Variants in MFSD2B observed in about 807,000 individuals in gnomAD.
The protein encoded by MFSD2B is sphingosine-1-phosphate transporter MFSD2B.
In MFSD2B, 56 loss-of-function variants were observed where a neutral mutation model predicts 58.4. The ratio of observed to expected loss-of-function variants is 0.96; its 90% CI spans 0.77 to 1.20. The LOEUF is 1.20. MFSD2B is among the 50% of genes most tolerant of loss of function. The pLI, the probability that MFSD2B is intolerant of heterozygous loss-of-function variation, is 0.00. For synonymous variants in MFSD2B, 287 were observed against 294.4 expected (o/e 0.97, Z 0.26); for missense variants, 645 against 667.6 (o/e 0.97, Z 0.37).
In MFSD2B at chr2:24,022,142, G is replaced by A. The variant is rs980196015; in HGVS notation, c.894+172G>A. On this transcript the variant is annotated intron_variant, in intron 8 of 13. Coordinates refer to ENST00000338315, the MANE Select transcript of MFSD2B (RefSeq NM_001346880.2). The surrounding 1 kb of genome is among the most constrained non-coding windows in gnomAD (Gnocchi z 4.5). ...CCGGTAGGGCTTGTGGGAATGGAGG[G>A]CCAGGGCCTGGGCACTAGGAGGCTG... is the stretch of plus-strand genomic sequence containing the variant. Among the ~76,000 whole-genome samples, 3 of 152,186 alleles carry A rather than the reference G, an allele frequency of 2.0e-5. No individual in the cohort carries two copies. The highest frequency in any genetic ancestry group is 2.9e-5 in the Non-Finnish European group (2 of 68,028).
rs1470925487 is a variant in MFSD2B, at chr2:24,012,847, A to G, written c.97-438A>G. The G allele has an allele frequency of 6.5e-6, 1 of 154,978 alleles. No individual in the cohort carries two copies. The highest frequency in any genetic ancestry group is 2.4e-5 in the African/African-American group (1 of 41,530). The allele number at this position is 154,978 out of a possible 1,614,324, so 9.6% of individuals were successfully genotyped here. A position where few individuals can be genotyped will look rare whatever the true frequency, so the allele number is the denominator to read the frequency against. ...AAATGAGCTATCGCCTCATTTACTCATCGAAGAAACAACTTTGTGAAGTTG... is the reference window on the plus strand; with the variant it reads ...AAATGAGCTATCGCCTCATTTACTCGTCGAAGAAACAACTTTGTGAAGTTG... On this transcript the variant is annotated intron_variant, in intron 1 of 13. Transcript: ENST00000338315. The surrounding 1 kb of genome is among the most constrained non-coding windows in gnomAD (Gnocchi z 4.5).
At chr2:24,018,698 T>C (rs1212487121) in intron 6 of MFSD2B, 1 of 172,278 alleles carries the variant, frequency 5.8e-6, no homozygotes, top group African/African-American at 2.4e-5. Flanking sequence ...TTACTTGAAT[T>C]AAAAAAAATC....
rs941147909 is a variant in MFSD2B at position 24,021,426 on chromosome 2, G to A, written c.682-222G>A. Among the ~76,000 whole-genome samples, 2 of 152,208 alleles carry A rather than the reference G, an allele frequency of 1.3e-5. No homozygotes were observed. The highest frequency in any genetic ancestry group is 4.8e-5 in the African/African-American group (2 of 41,454). ...CTGGGGCATGTGTCCTCTTTGCCAT[G>A]CAGGGAACACAGGGTCAGCAGAGGG... On this transcript the variant is annotated intron_variant, in intron 6 of 13. Coordinates refer to ENST00000338315, the MANE Select transcript of MFSD2B (RefSeq NM_001346880.2). The surrounding 1 kb of genome is among the most constrained non-coding windows in gnomAD (Gnocchi z 5.7).
At chr2:24,016,781 C>T in intron 3 of MFSD2B, 64 bp from the exon 4 acceptor site, 1 of 1,591,028 alleles carries the variant, frequency 6.3e-7, no homozygotes, top group East Asian at 2.2e-5. Flanking sequence ...TTCCTCCAGG[C>T]TGGGCCCTTT....
chr2:24,013,215 G>C (rs1488015515), intron 1 of MFSD2B, 70 bp from the exon 2 acceptor site: 1 of 1,455,600 alleles, frequency 6.9e-7, no homozygotes, highest in Non-Finnish European at 9.2e-7. Flanking sequence ...GATGTTTACT[G>C]AAGTCATGGG....
At chr2:24,015,735 C>T (rs544616683) in intron 2 of MFSD2B, among the ~76,000 whole-genome samples, 2 of 152,294 alleles carry the variant, frequency 1.3e-5, no homozygotes, top group East Asian at 3.9e-4. Flanking sequence ...ACACAGTGTC[C>T]ACCTCTGTCA....
At position 24,022,361 on chromosome 2, in the gene MFSD2B, C is replaced by T; in HGVS notation, c.895-72C>T. The stretch of plus-strand genomic sequence containing the variant: ...CCCAATGGAGATGCCAGACTCCAGA[C>T]CCTGTCCTTGCCCTTGACTTCTGAG... On this transcript the variant is annotated intron_variant, in intron 8 of 13. Transcript: ENST00000338315. This position sits in a 1 kb window ranked among gnomAD's most constrained non-coding sequence, Gnocchi z 4.5. 2 of 1,246,374 alleles carry T rather than the reference C, an allele frequency of 1.6e-6. No homozygotes were observed. The highest frequency in any genetic ancestry group is 1.3e-5 in the South Asian group (1 of 78,148). The allele number at this position is 1,246,374 out of a possible 1,614,324, so 77.2% of individuals were successfully genotyped here. A position where few individuals can be genotyped will look rare whatever the true frequency, so the allele number is the denominator to read the frequency against.
Position 24,022,344 on chromosome 2 carries a change from A to G in MFSD2B, c.895-89A>G, listed in dbSNP as rs1662821976. 3 of 1,025,914 alleles carry G rather than the reference A, an allele frequency of 2.9e-6. No homozygotes were observed. The highest frequency in any genetic ancestry group is 2.0e-4 in the Middle Eastern group (1 of 4,968). The allele number at this position is 1,025,914 out of a possible 1,614,324, so 63.6% of individuals were successfully genotyped here. Reference sequence around the variant, plus strand: ...TAGCAGCAAGCCAAGGTCCCAATGGAGATGCCAGACTCCAGACCCTGTCCT... The same window carrying G: ...TAGCAGCAAGCCAAGGTCCCAATGGGGATGCCAGACTCCAGACCCTGTCCT... On this transcript the variant is annotated intron_variant, in intron 8 of 13. Coordinates refer to ENST00000338315, the MANE Select transcript of MFSD2B (RefSeq NM_001346880.2). This position sits in a 1 kb window ranked among gnomAD's most constrained non-coding sequence, Gnocchi z 4.5.
intron 1 of MFSD2B, 122 bp downstream of exon 1, chr2:24,010,314 A>C: frequency 1.3e-6 from 1 of 744,464 alleles, no homozygotes; most frequent in Non-Finnish European, 1.9e-6. Context: ...CTGCCAGCTC[A>C]GGGGCTGCCC....
In MFSD2B at chr2:24,016,208, C is replaced by T. The variant is rs1224346311; in HGVS notation, c.275C>T (p.Ala92Val). 2.4e-5 allele frequency: 39 copies of T among 1,613,782 alleles called. No individual in the cohort carries two copies. The Admixed American group carries it at 3.2e-4, about 13-fold the overall frequency. ...CTGTTTGGGGGAAAAGTGTCTGGGG[C>T]GGCTGCTGACCCTGTGGCTGGGTTC... ...LVLFGGKVSG[A>V]AADPVAGFFI... The change falls in exon 3 of 14, where the codon GCG becomes GTG. Residue 92 changes from alanine to valine, a missense_variant. By Grantham distance (64) the Ala-to-Val change is moderately conservative. Transcript: ENST00000338315.
chr2:24,010,289 G>T, intron 1 of MFSD2B, 97 bp downstream of exon 1: 1 of 1,026,854 alleles, frequency 9.7e-7, no homozygotes, highest in South Asian at 2.7e-5. Flanking sequence ...CAGCCCGGAG[G>T]GGCTCGGCCC....
chr2:24,022,103 C>T lies in MFSD2B; in HGVS notation c.894+133C>T, dbSNP rs887316456. On this transcript the variant is annotated intron_variant, in intron 8 of 13. Transcript: ENST00000338315. This position sits in a 1 kb window ranked among gnomAD's most constrained non-coding sequence, Gnocchi z 4.5. The stretch of plus-strand genomic sequence containing the variant: ...GGCACATGGCTCAGAGGGGCTGGTG[C>T]CGGGAGGGAGATCCCGGTAGGGCTT... 2.8e-5 allele frequency: 31 copies of T among 1,094,028 alleles called. No individual in the cohort carries two copies. Among genetic ancestry groups the T allele is most frequent in the Non-Finnish European group, 3.2e-5 (24 of 752,062 alleles). The allele number at this position is 1,094,028 out of a possible 1,614,324, so 67.8% of individuals were successfully genotyped here.
Position 24,017,930 on chromosome 2 carries a change from G to A in MFSD2B, c.681+342G>A, listed in dbSNP as rs1709219717. On this transcript the variant is annotated intron_variant, in intron 6 of 13. Coordinates refer to ENST00000338315, the MANE Select transcript of MFSD2B (RefSeq NM_001346880.2). The surrounding 1 kb of genome is among the most constrained non-coding windows in gnomAD (Gnocchi z 4.8). Reference sequence around the variant, plus strand: ...GGCAGCAGAGGGGTCTGCTGTCCTCGCAGAGCCCTGGGTAAAGCCCTTCCT... The same window carrying A: ...GGCAGCAGAGGGGTCTGCTGTCCTCACAGAGCCCTGGGTAAAGCCCTTCCT... Among the ~76,000 whole-genome samples, 1 of 152,060 alleles carries A rather than the reference G, an allele frequency of 6.6e-6. No individual in the cohort carries two copies. Among genetic ancestry groups the A allele is most frequent in the South Asian group, 2.1e-4 (1 of 4,820 alleles).
rs1240920919 is a variant in MFSD2B, at chr2:24,020,498, G to A, written c.682-1150G>A. Among the ~76,000 whole-genome samples, 1 of 152,014 alleles carries A rather than the reference G, an allele frequency of 6.6e-6. No homozygotes were observed. Among genetic ancestry groups the A allele is most frequent in the Non-Finnish European group, 1.5e-5 (1 of 68,004 alleles). Reference sequence around the variant, plus strand: ...GTCCCGAACTGGCTGTGACTCTCGTGCATGTCTTTATAGGCATTTTAATGC... The same window carrying A: ...GTCCCGAACTGGCTGTGACTCTCGTACATGTCTTTATAGGCATTTTAATGC... On this transcript the variant is annotated intron_variant, in intron 6 of 13. Coordinates refer to ENST00000338315, the MANE Select transcript of MFSD2B (RefSeq NM_001346880.2). This position sits in a 1 kb window ranked among gnomAD's most constrained non-coding sequence, Gnocchi z 4.1.
chr2:24,022,719 G>T lies in MFSD2B; in HGVS notation c.979-103G>T. ...TCATAGCCACCGGTTTGAACCAGGG[G>T]CAAGGCCAAGGTCAGGCATCCAATC... is the stretch of plus-strand genomic sequence containing the variant. On this transcript the variant is annotated intron_variant, in intron 9 of 13. Transcript: ENST00000338315. The surrounding 1 kb of genome is among the most constrained non-coding windows in gnomAD (Gnocchi z 4.5). 1 of 950,700 alleles carries T rather than the reference G, an allele frequency of 1.1e-6. No individual in the cohort carries two copies. The highest frequency in any genetic ancestry group is 1.5e-6 in the Non-Finnish European group (1 of 646,222). 58.9% of individuals were successfully genotyped at this position (950,700 alleles called of 1,614,324 possible).
chr2:24,022,299 G>C lies in MFSD2B; in HGVS notation c.895-134G>C. 1.3e-6 allele frequency: 1 copy of C among 755,260 alleles called. No homozygotes were observed. The highest frequency in any genetic ancestry group is 2.2e-5 in the Admixed American group (1 of 44,580). 46.8% of individuals were successfully genotyped at this position (755,260 alleles called of 1,614,324 possible). A position where few individuals can be genotyped will look rare whatever the true frequency, so the allele number is the denominator to read the frequency against. On this transcript the variant is annotated intron_variant, in intron 8 of 13. Coordinates refer to ENST00000338315, the MANE Select transcript of MFSD2B (RefSeq NM_001346880.2). The surrounding 1 kb of genome is among the most constrained non-coding windows in gnomAD (Gnocchi z 4.5). ...TGTTGGGGATAAGTGTCCTTTGTGGGGGAAGGGACTGTATGATGGTAGCAG... is the reference window on the plus strand; with the variant it reads ...TGTTGGGGATAAGTGTCCTTTGTGGCGGAAGGGACTGTATGATGGTAGCAG...
chr2:24,025,378 C>A (rs1391595015), intron 13 of MFSD2B, 54 bp from the exon 14 acceptor site: 2 of 1,513,534 alleles, frequency 1.3e-6, no homozygotes, highest in Admixed American at 2.0e-5. Flanking sequence ...TGCGGCAGGA[C>A]AGAGGGCCCA....
At chr2:24,013,191 T>A in intron 1 of MFSD2B, 94 bp from the exon 2 acceptor site, 1 of 1,328,518 alleles carries the variant, frequency 7.5e-7, no homozygotes, top group Non-Finnish European at 1.0e-6. Flanking sequence ...CCTGAAGACA[T>A]CACAGAGACT....
rs748155139 is a variant in MFSD2B, at chr2:24,016,298, C to T, written c.347+18C>T. ...ATGCCTTGGTGAGCAACCGCTCAGT[C>T]CTTAGGATCCAGGCACCTGGTCCTG... On this transcript the variant is annotated intron_variant, in intron 3 of 13. Coordinates refer to ENST00000338315, the MANE Select transcript of MFSD2B (RefSeq NM_001346880.2). The T allele has an allele frequency of 2.5e-5, 41 of 1,608,776 alleles. No individual in the cohort carries two copies. The highest frequency in any genetic ancestry group is 3.3e-5 in the Non-Finnish European group (39 of 1,177,064).
Sources: allele counts gnomAD v4.1 joint callset (sites outside exome capture counted in the v4.1 genomes callset), GRCh38; gene constraint gnomAD v4.1.1; non-coding constraint Gnocchi (gnomAD v3.1); transcripts MANE v1.5; gene names NCBI Gene and HGNC (gene_info 2026-07-23, HGNC 2026-07-21).